The following SFN variants were observed in gnomAD, a reference collection of about 807,000 sequenced individuals.
The protein encoded by SFN is 14-3-3 protein sigma.
In SFN, 5 loss-of-function variants were observed where a neutral mutation model predicts 19.1. The ratio of observed to expected loss-of-function variants is 0.26; its 90% CI spans 0.14 to 0.55. The LOEUF (loss-of-function observed/expected upper bound fraction) is 0.55, where lower values mean the gene tolerates loss of function less well. SFN is among the 20% of genes least tolerant of loss of function. The pLI is 0.94. For synonymous variants in SFN, 130 were observed against 140.9 expected (o/e 0.92, Z 0.55); for missense variants, 287 against 330.0 (o/e 0.87, Z 1.01).
Position 26,863,918 on chromosome 1 carries a change from G to A in SFN, c.706G>A (p.Gly236Arg), listed in dbSNP as rs369790436. 28 of 1,613,630 alleles carry A rather than the reference G, an allele frequency of 1.7e-5. No homozygotes were observed. The African/African-American group carries it at 3.1e-4, about 18-fold the overall frequency. Residue 236 changes from glycine (G) to arginine (R), a missense_variant, in exon 1 of 1, where the codon GGG becomes AGG. Transcript: ENST00000339276. This position sits in a 1 kb window ranked among gnomAD's most constrained non-coding sequence, Gnocchi z 7.4. ...GACACTGTGGACGGCCGACAACGCC[G>A]GGGAAGAGGGGGGCGAGGCTCCCCA... is the stretch of plus-strand genomic sequence containing the variant. ...NLTLWTADNA[G>R]EEGGEAPQEP... is the part of the protein sequence containing the mutation.
chr1:26,863,381 G>A lies in SFN; in HGVS notation c.169G>A (p.Ala57Thr). The part of the protein sequence containing the change: ...AYKNVVGGQR[A>T]AWRVLSSIEQ... The stretch of plus-strand genomic sequence containing the variant: ...TAAGAACGTGGTGGGCGGCCAGAGG[G>A]CTGCCTGGAGGGTGCTGTCCAGTAT... The change falls in exon 1 of 1, where the codon GCT becomes ACT. Residue 57 changes from alanine (A) to threonine (T), a missense_variant. Coordinates refer to ENST00000339276, the MANE Select transcript of SFN (RefSeq NM_006142.5). This position sits in a 1 kb window ranked among gnomAD's most constrained non-coding sequence, Gnocchi z 7.4. The A allele has an allele frequency of 1.2e-6, 2 of 1,613,986 alleles. No homozygotes were observed. Among genetic ancestry groups the A allele is most frequent in the Non-Finnish European group, 1.7e-6 (2 of 1,179,864 alleles).
chr1:26,863,415 A>G lies in SFN; in HGVS notation c.203A>G (p.Lys68Arg). The change falls in exon 1 of 1, where the codon AAA becomes AGA. Residue 68 changes from lysine (K) to arginine (R), a missense_variant. By Grantham distance (26) the Lys-to-Arg change is conservative. Transcript: ENST00000339276. The surrounding 1 kb of genome is among the most constrained non-coding windows in gnomAD (Gnocchi z 7.4). ...AWRVLSSIEQ[K>R]SNEEGSEEKG... is the part of the protein sequence containing the mutation. ...AGGGTGCTGTCCAGTATTGAGCAGA[A>G]AAGCAACGAGGAGGGCTCGGAGGAG... is the stretch of plus-strand genomic sequence containing the variant. 1.2e-6 allele frequency: 2 copies of G among 1,614,158 alleles called. No individual in the cohort carries two copies. The highest frequency in any genetic ancestry group is 1.7e-6 in the Non-Finnish European group (2 of 1,180,022).
Position 26,863,761 on chromosome 1 carries a change from C to G in SFN, c.549C>G (p.Ile183Met), listed in dbSNP as rs2081771680. 6.2e-7 allele frequency: 1 copy of G among 1,614,042 alleles called. No homozygotes were observed. The highest frequency in any genetic ancestry group is 8.5e-7 in the Non-Finnish European group (1 of 1,180,022). The change falls in exon 1 of 1, where the codon ATC (isoleucine) becomes ATG (methionine). Residue 183 changes from isoleucine to methionine, a missense_variant. By Grantham distance (10) the Ile-to-Met change is conservative. Coordinates refer to ENST00000339276, the MANE Select transcript of SFN (RefSeq NM_006142.5). This position sits in a 1 kb window ranked among gnomAD's most constrained non-coding sequence, Gnocchi z 7.4. Reference protein sequence around the residue: ...ALNFSVFHYEIANSPEEAISL... With the variant: ...ALNFSVFHYEMANSPEEAISL... ...ACTTTTCCGTCTTCCACTACGAGAT[C>G]GCCAACAGCCCCGAGGAGGCCATCT...
rs1350784455 is a variant in SFN at position 26,864,332 on chromosome 1, T to G, written c.*373T>G. ...GACAGTGGCAGGGGCTGGAGATGGG[T>G]GTGTGTGTGTGTGTGTGTGTGTGTG... On this transcript the variant is annotated 3_prime_UTR_variant, in exon 1 of 1. Coordinates refer to ENST00000339276, the MANE Select transcript of SFN (RefSeq NM_006142.5). The surrounding 1 kb of genome is among the most constrained non-coding windows in gnomAD (Gnocchi z 5.2). The G allele has an allele frequency of 1.2e-4, 12 of 98,534 alleles. No individual in the cohort carries two copies. Among genetic ancestry groups the G allele is most frequent in the South Asian group, 6.3e-4 (2 of 3,174 alleles). 6.1% of individuals were successfully genotyped at this position (98,534 alleles called of 1,614,324 possible).
Position 26,864,036 on chromosome 1 carries a change from C to A in SFN, c.*77C>A. On this transcript the variant is annotated 3_prime_UTR_variant, in exon 1 of 1. Transcript: ENST00000339276. The surrounding 1 kb of genome is among the most constrained non-coding windows in gnomAD (Gnocchi z 5.2). The stretch of plus-strand genomic sequence containing the variant: ...AGAGGACTAGTATGGGGTGGGAGGC[C>A]CCACCCTTCTCCCCTAGGCGCTGTT... 2 of 1,271,286 alleles carry A rather than the reference C, an allele frequency of 1.6e-6. No individual in the cohort carries two copies. Among genetic ancestry groups the A allele is most frequent in the Non-Finnish European group, 2.1e-6 (2 of 930,682 alleles). 78.8% of individuals were successfully genotyped at this position (1,271,286 alleles called of 1,614,324 possible). A position where few individuals can be genotyped will look rare whatever the true frequency, so the allele number is the denominator to read the frequency against.
rs776384378 is a variant in SFN, at chr1:26,863,762, G to T, written c.550G>T (p.Ala184Ser). Residue 184 changes from alanine (A) to serine (S), a missense_variant, in exon 1 of 1, where the codon GCC (alanine) becomes TCC (serine). Physicochemically the swap from Ala to Ser is moderately conservative, Grantham distance 99. Coordinates refer to ENST00000339276, the MANE Select transcript of SFN (RefSeq NM_006142.5). The surrounding 1 kb of genome is among the most constrained non-coding windows in gnomAD (Gnocchi z 7.4). ...CTTTTCCGTCTTCCACTACGAGATC[G>T]CCAACAGCCCCGAGGAGGCCATCTC... ...LNFSVFHYEI[A>S]NSPEEAISLA... 6.2e-7 allele frequency: 1 copy of T among 1,613,920 alleles called. No homozygotes were observed. The highest frequency in any genetic ancestry group is 1.3e-5 in the African/African-American group (1 of 74,850).
Position 26,864,291 on chromosome 1 carries a change from T to G in SFN, c.*332T>G. The G allele has an allele frequency of 5.5e-6, 2 of 364,616 alleles. No individual in the cohort carries two copies. The highest frequency in any genetic ancestry group is 1.1e-5 in the Non-Finnish European group (2 of 186,190). The allele number at this position is 364,616 out of a possible 1,614,324, so 22.6% of individuals were successfully genotyped here. On this transcript the variant is annotated 3_prime_UTR_variant, in exon 1 of 1. Transcript: ENST00000339276. This position sits in a 1 kb window ranked among gnomAD's most constrained non-coding sequence, Gnocchi z 5.2. ...CGTAGGAATTGAGGAGTGTCCCGCC[T>G]TGTGGCTGAGAACTGGACAGTGGCA...
chr1:26,864,263 G>T lies in SFN; in HGVS notation c.*304G>T, dbSNP rs1296570794. On this transcript the variant is annotated 3_prime_UTR_variant, in exon 1 of 1. Coordinates refer to ENST00000339276, the MANE Select transcript of SFN (RefSeq NM_006142.5). This position sits in a 1 kb window ranked among gnomAD's most constrained non-coding sequence, Gnocchi z 5.2. The stretch of plus-strand genomic sequence containing the variant: ...CCTCCCTCCTGCCCCTGCTGCCTCT[G>T]ATCGTAGGAATTGAGGAGTGTCCCG... The T allele has an allele frequency of 1.4e-4, 63 of 439,382 alleles. No individual in the cohort carries two copies. The highest frequency in any genetic ancestry group is 2.2e-4 in the Non-Finnish European group (50 of 231,344). The allele number at this position is 439,382 out of a possible 1,614,324, so 27.2% of individuals were successfully genotyped here. A position where few individuals can be genotyped will look rare whatever the true frequency, so the allele number is the denominator to read the frequency against.
rs753400100 is a variant in SFN at position 26,863,542 on chromosome 1, G to A, written c.330G>A (p.Glu110=). ...LGLLDSHLIK[E]AGDAESRVFY... ...TGCTGGACAGCCACCTCATCAAGGA[G>A]GCCGGGGACGCCGAGAGCCGGGTCT... The change falls in exon 1 of 1, where the codon GAG becomes GAA. Residue 110 remains glutamate (E), a synonymous_variant. Coordinates refer to ENST00000339276, the MANE Select transcript of SFN (RefSeq NM_006142.5). This position sits in a 1 kb window ranked among gnomAD's most constrained non-coding sequence, Gnocchi z 7.4. 2.1e-5 allele frequency: 34 copies of A among 1,614,014 alleles called. No homozygotes were observed. The South Asian group carries it at 3.7e-4, about 18-fold the overall frequency.
chr1:26,863,864 C>G lies in SFN; in HGVS notation c.652C>G (p.Leu218Val), dbSNP rs1030897040. ...CGAGGACTCCTACAAAGACAGCACC[C>G]TCATCATGCAGCTGCTGCGAGACAA... ...LSEDSYKDST[L>V]IMQLLRDNLT... The change falls in exon 1 of 1, where the codon CTC becomes GTC. Residue 218 changes from leucine to valine, a missense_variant. Coordinates refer to ENST00000339276, the MANE Select transcript of SFN (RefSeq NM_006142.5). The surrounding 1 kb of genome is among the most constrained non-coding windows in gnomAD (Gnocchi z 7.4). The G allele has an allele frequency of 2.5e-6, 4 of 1,614,052 alleles. No homozygotes were observed. The highest frequency in any genetic ancestry group is 3.3e-5 in the Admixed American group (2 of 60,002).
Position 26,864,042 on chromosome 1 carries a change from C to T in SFN, c.*83C>T. 1.6e-6 allele frequency: 2 copies of T among 1,230,250 alleles called. No individual in the cohort carries two copies. The highest frequency in any genetic ancestry group is 2.2e-6 in the Non-Finnish European group (2 of 894,854). The allele number at this position is 1,230,250 out of a possible 1,614,324, so 76.2% of individuals were successfully genotyped here. On this transcript the variant is annotated 3_prime_UTR_variant, in exon 1 of 1. Coordinates refer to ENST00000339276, the MANE Select transcript of SFN (RefSeq NM_006142.5). The surrounding 1 kb of genome is among the most constrained non-coding windows in gnomAD (Gnocchi z 5.2). ...CTAGTATGGGGTGGGAGGCCCCACC[C>T]TTCTCCCCTAGGCGCTGTTCTTGCT...
chr1:26,863,831 A>C lies in SFN; in HGVS notation c.619A>C (p.Thr207Pro), dbSNP rs1488099786. The stretch of plus-strand genomic sequence containing the variant: ...CGACGAGGCCATGGCTGATCTGCAC[A>C]CCCTCAGCGAGGACTCCTACAAAGA... The part of the protein sequence containing the change: ...TFDEAMADLH[T>P]LSEDSYKDST... Residue 207 changes from threonine (T) to proline (P), a missense_variant, in exon 1 of 1, where the codon ACC becomes CCC. Coordinates refer to ENST00000339276, the MANE Select transcript of SFN (RefSeq NM_006142.5). The surrounding 1 kb of genome is among the most constrained non-coding windows in gnomAD (Gnocchi z 7.4). The C allele has an allele frequency of 1.2e-6, 2 of 1,613,578 alleles. No homozygotes were observed. Among genetic ancestry groups the C allele is most frequent in the Non-Finnish European group, 1.7e-6 (2 of 1,179,944 alleles).
rs1454934500 is a variant in SFN at position 26,863,895 on chromosome 1, C to T, written c.683C>T (p.Thr228Ile). 3.1e-6 allele frequency: 5 copies of T among 1,614,060 alleles called. No individual in the cohort carries two copies. The highest frequency in any genetic ancestry group is 4.2e-6 in the Non-Finnish European group (5 of 1,180,022). ...LIMQLLRDNLTLWTADNAGEE... is the reference protein window; with the variant it reads ...LIMQLLRDNLILWTADNAGEE... Reference sequence around the variant, plus strand: ...ATGCAGCTGCTGCGAGACAACCTGACACTGTGGACGGCCGACAACGCCGGG... The same window carrying T: ...ATGCAGCTGCTGCGAGACAACCTGATACTGTGGACGGCCGACAACGCCGGG... Residue 228 changes from threonine to isoleucine, a missense_variant, in exon 1 of 1, where the codon ACA becomes ATA. By Grantham distance (89) the Thr-to-Ile change is moderately conservative (BLOSUM62 -1). Coordinates refer to ENST00000339276, the MANE Select transcript of SFN (RefSeq NM_006142.5). This position sits in a 1 kb window ranked among gnomAD's most constrained non-coding sequence, Gnocchi z 7.4.
At position 26,863,365 on chromosome 1, in the gene SFN, G is replaced by T; in HGVS notation, c.153G>T (p.Val51=). 1 of 1,614,026 alleles carries T rather than the reference G, an allele frequency of 6.2e-7. No homozygotes were observed. Among genetic ancestry groups the T allele is most frequent in the South Asian group, 1.1e-5 (1 of 91,080 alleles). Reference sequence around the variant, plus strand: ...TGCTCTCAGTAGCCTATAAGAACGTGGTGGGCGGCCAGAGGGCTGCCTGGA... The same window carrying T: ...TGCTCTCAGTAGCCTATAAGAACGTTGTGGGCGGCCAGAGGGCTGCCTGGA... ...RNLLSVAYKN[V]VGGQRAAWRV... Residue 51 remains valine, a synonymous_variant, in exon 1 of 1, where the codon GTG becomes GTT. Coordinates refer to ENST00000339276, the MANE Select transcript of SFN (RefSeq NM_006142.5). The surrounding 1 kb of genome is among the most constrained non-coding windows in gnomAD (Gnocchi z 7.4).
Position 26,863,980 on chromosome 1 carries a change from G to T in SFN, c.*21G>T. On this transcript the variant is annotated 3_prime_UTR_variant, in exon 1 of 1. Transcript: ENST00000339276. This position sits in a 1 kb window ranked among gnomAD's most constrained non-coding sequence, Gnocchi z 7.4. ...GCTGAGTGTTGCCCGCCACCGCCCC[G>T]CCCTGCCCCCTCCAGTCCCCCACCC... 9.3e-7 allele frequency: 1 copy of T among 1,069,874 alleles called. No individual in the cohort carries two copies. 66.3% of individuals were successfully genotyped at this position (1,069,874 alleles called of 1,614,324 possible).
chr1:26,863,996 TC>T lies in SFN; in HGVS notation c.*42del. ...CACCGCCCCGCCCTGCCCCCTCCAG[TC>T]CCCCACCCTGCCGAGAGGACTAGTA... On this transcript the variant is annotated 3_prime_UTR_variant, in exon 1 of 1. Coordinates refer to ENST00000339276, the MANE Select transcript of SFN (RefSeq NM_006142.5). The surrounding 1 kb of genome is among the most constrained non-coding windows in gnomAD (Gnocchi z 7.4). 6.8e-7 allele frequency: 1 copy of T among 1,472,126 alleles called. No homozygotes were observed. Among genetic ancestry groups the T allele is most frequent in the Non-Finnish European group, 9.1e-7 (1 of 1,096,358 alleles). 91.2% of individuals were successfully genotyped at this position (1,472,126 alleles called of 1,614,324 possible).
chr1:26,863,305 G>T lies in SFN; in HGVS notation c.93G>T (p.Glu31Asp), dbSNP rs952539380. 5 of 1,614,112 alleles carry T rather than the reference G, an allele frequency of 3.1e-6. No individual in the cohort carries two copies. In the African/African-American group the frequency reaches 5.3e-5, roughly 17 times the overall value. The change falls in exon 1 of 1, where the codon GAG (glutamate) becomes GAT (aspartate). Residue 31 changes from glutamate (E) to aspartate (D), a missense_variant. Glu to Asp is a conservative substitution (Grantham distance 45). Transcript: ENST00000339276. This position sits in a 1 kb window ranked among gnomAD's most constrained non-coding sequence, Gnocchi z 7.4. ...DMAAFMKGAV[E>D]KGEELSCEER... is the part of the protein sequence containing the mutation. ...CAGCCTTCATGAAAGGCGCCGTGGAGAAGGGCGAGGAGCTCTCCTGCGAAG... is the reference window on the plus strand; with the variant it reads ...CAGCCTTCATGAAAGGCGCCGTGGATAAGGGCGAGGAGCTCTCCTGCGAAG...
At position 26,863,199 on chromosome 1, in the gene SFN, G is replaced by C. The variant is rs767444660; in HGVS notation, c.-14G>C. Reference sequence around the variant, plus strand: ...AGCAGTTAGCCCGCCGCCCGCCTGTGTGTCCCCAGAGCCATGGAGAGAGCC... The same window carrying C: ...AGCAGTTAGCCCGCCGCCCGCCTGTCTGTCCCCAGAGCCATGGAGAGAGCC... On this transcript the variant is annotated 5_prime_UTR_variant, in exon 1 of 1. Coordinates refer to ENST00000339276, the MANE Select transcript of SFN (RefSeq NM_006142.5). The surrounding 1 kb of genome is among the most constrained non-coding windows in gnomAD (Gnocchi z 7.4). 1 of 1,612,802 alleles carries C rather than the reference G, an allele frequency of 6.2e-7. No individual in the cohort carries two copies. The highest frequency in any genetic ancestry group is 1.3e-5 in the African/African-American group (1 of 74,914).
Position 26,863,391 on chromosome 1 carries a change from G to C in SFN, c.179G>C (p.Arg60Thr). 6.2e-7 allele frequency: 1 copy of C among 1,614,038 alleles called. No individual in the cohort carries two copies. Among genetic ancestry groups the C allele is most frequent in the Non-Finnish European group, 8.5e-7 (1 of 1,179,912 alleles). Residue 60 changes from arginine to threonine, a missense_variant, in exon 1 of 1, where the codon AGG (arginine) becomes ACG (threonine). Transcript: ENST00000339276. This position sits in a 1 kb window ranked among gnomAD's most constrained non-coding sequence, Gnocchi z 7.4. ...NVVGGQRAAWRVLSSIEQKSN... is the reference protein window; with the variant it reads ...NVVGGQRAAWTVLSSIEQKSN... ...GTGGGCGGCCAGAGGGCTGCCTGGA[G>C]GGTGCTGTCCAGTATTGAGCAGAAA... is the stretch of plus-strand genomic sequence containing the variant.
Sources: gnomAD v4.1 joint callset for allele counts on GRCh38, gnomAD v4.1.1 for gene constraint, Gnocchi (gnomAD v3.1) non-coding constraint, MANE v1.5 for transcripts, NCBI Gene and HGNC (gene_info 2026-07-23, HGNC 2026-07-21) for gene names.